CENPC: variants seen among roughly 807,000 people sequenced by gnomAD.
CENPC encodes the protein centromere protein C.
Under a neutral mutation model 112.1 loss-of-function variants are expected in CENPC, and 63 were observed. The ratio of observed to expected loss-of-function variants is 0.56; its 90% CI spans 0.46 to 0.69. The LOEUF (loss-of-function observed/expected upper bound fraction) is 0.69. CENPC is among the 30% of genes least tolerant of loss of function. The pLI, the probability that CENPC is intolerant of heterozygous loss-of-function variation, is 0.00. For missense variants in CENPC, 1,000 were observed against 1,103.8 expected, an observed-to-expected ratio of 0.91 and a Z score of 1.33; for synonymous variants, 333 against 367.6, an observed-to-expected ratio of 0.91 and a Z score of 1.08.
rs1448640707 is a variant in CENPC, at chr4:67,492,197, CTT to C, written c.2496_2497del (p.Glu834AspfsTer18). The C allele has an allele frequency of 3.2e-6, 5 of 1,562,354 alleles. No individual in the cohort carries two copies. Among genetic ancestry groups the C allele is most frequent in the East Asian group, 2.3e-5 (1 of 42,956 alleles). On this transcript the variant is annotated frameshift_variant, in exon 16 of 19. Coordinates refer to ENST00000273853, the MANE Select transcript of CENPC (RefSeq NM_001812.4). LOFTEE classifies it high-confidence loss of function. ...GATCTTACCCATGAGAATAATCTCT[CTT>C]GTTTCTGGGTCCTTTACCCTCGTTG...
chr4:67,508,797 C>T lies in CENPC; in HGVS notation c.1904+17G>A, dbSNP rs372409696. 10 of 1,606,746 alleles carry T rather than the reference C, an allele frequency of 6.2e-6. No homozygotes were observed. The African/African-American group carries it at 9.4e-5, about 15-fold the overall frequency. On this transcript the variant is annotated intron_variant, in intron 10 of 18. Transcript: ENST00000273853. ...GAACAACAAAAGTAACTATATTGTA[C>T]ACATAACAGACATTACCTAGAACAA...
chr4:67,475,217 C>G (rs901426245), intron 17 of CENPC, among the ~76,000 whole-genome samples: 1 of 152,214 alleles, frequency 6.6e-6, no homozygotes, highest in Non-Finnish European at 1.5e-5. Context: ...AGTACTTTCT[C>G]CTGCTGGAAG....
intron 12 of CENPC, among the ~76,000 whole-genome samples, chr4:67,502,841 G>A (rs964230118): frequency 2.0e-5 from 3 of 151,984 alleles, no homozygotes; most frequent in Non-Finnish European, 4.4e-5. Context: ...TATACACCAC[G>A]TATCGTCCAT....
chr4:67,486,463 T>C (rs1449733734), intron 17 of CENPC, among the ~76,000 whole-genome samples: 1 of 152,244 alleles, frequency 6.6e-6, no homozygotes, highest in Non-Finnish European at 1.5e-5. Context: ...TCTTCAAGGA[T>C]TTCTTTGAAT....
chr4:67,535,624 G>A (rs1389483743), intron 4 of CENPC, among the ~76,000 whole-genome samples: 1 of 152,008 alleles, frequency 6.6e-6, no homozygotes, highest in African/African-American at 2.4e-5. Flanking sequence ...TGTACATAAA[G>A]AAAATTTAAC....
At chr4:67,486,965 T>TG (rs1560421207) in intron 17 of CENPC, among the ~76,000 whole-genome samples, 97 of 93,130 alleles carry the variant, frequency 1.0e-3, no homozygotes, top group African/African-American at 3.4e-3. Flanking sequence ...TATTTGCTTT[T>TG]AGGTTTTTTT....
intron 2 of CENPC, among the ~76,000 whole-genome samples, chr4:67,541,529 A>G (rs1037927563): frequency 6.6e-6 from 1 of 152,220 alleles, no homozygotes; most frequent in African/African-American, 2.4e-5. Context: ...GTAGATTCAC[A>G]GCCAGCTATA....
In CENPC at chr4:67,472,640, C is replaced by G; in HGVS notation, c.2797G>C (p.Glu933Gln). The change falls in exon 19 of 19, where the codon GAA (glutamate) becomes CAA (glutamine). Residue 933 changes from glutamate (E) to glutamine (Q), a missense_variant. By Grantham distance (29) the Glu-to-Gln change is conservative (BLOSUM62 2). Coordinates refer to ENST00000273853, the MANE Select transcript of CENPC (RefSeq NM_001812.4). ...ATCTGAGTAAAAAGAAGAACACTTT[C>G]CTCATTCCGGAGATTTTTGATGTTA... The part of the protein sequence containing the change: ...YYNIKNLRNE[E>Q]SVLLFTQIKR 1 of 1,515,842 alleles carries G rather than the reference C, an allele frequency of 6.6e-7. No homozygotes were observed. The highest frequency in any genetic ancestry group is 8.8e-7 in the Non-Finnish European group (1 of 1,136,332). 93.9% of individuals were successfully genotyped at this position (1,515,842 alleles called of 1,614,324 possible). A position where few individuals can be genotyped will look rare whatever the true frequency, so the allele number is the denominator to read the frequency against.
intron 4 of CENPC, among the ~76,000 whole-genome samples, chr4:67,532,321 T>C (rs577137438): frequency 1.6e-3 from 243 of 152,218 alleles, no homozygotes; most frequent in African/African-American, 5.5e-3. Context: ...AGTTCAACCA[T>C]TGTGGAAGAC....
chr4:67,525,965 T>C (rs993274905), intron 5 of CENPC, among the ~76,000 whole-genome samples: 1 of 152,146 alleles, frequency 6.6e-6, no homozygotes, highest in Non-Finnish European at 1.5e-5. Flanking sequence ...ATGTGACAGA[T>C]ATACACCACA....
intron 17 of CENPC, among the ~76,000 whole-genome samples, chr4:67,477,737 T>G (rs1037788624): frequency 2.6e-5 from 4 of 152,158 alleles, no homozygotes; most frequent in African/African-American, 9.7e-5. Context: ...TTCAGAAGGT[T>G]GATTATTACA....
At chr4:67,527,800 C>T (rs1726428201) in intron 5 of CENPC, among the ~76,000 whole-genome samples, 1 of 151,780 alleles carries the variant, frequency 6.6e-6, no homozygotes, top group African/African-American at 2.4e-5. Flanking sequence ...AGTGCTTGGA[C>T]CCATCACTGT....
At chr4:67,521,715 C>T (rs989139032) in intron 5 of CENPC, among the ~76,000 whole-genome samples, 2 of 151,992 alleles carry the variant, frequency 1.3e-5, no homozygotes, top group African/African-American at 2.4e-5. Context: ...AGCCAAAAAG[C>T]GAAAACAACC....
intron 1 of CENPC, 68 bp downstream of exon 1, chr4:67,545,270 C>A: frequency 1.4e-6 from 2 of 1,427,050 alleles, no homozygotes; most frequent in South Asian, 1.4e-5. Context: ...TCCTTCTCCC[C>A]AGCCTCGGGC....
rs779593087 is a variant in CENPC at position 67,493,998 on chromosome 4, G to A, written c.2186-10C>T. ...GTGTTGGAGGGCAATACTATAAAAA[G>A]ATGTCAGACAAAAGTGTATACATAG... On this transcript the variant is annotated splice_polypyrimidine_tract_variant and intron_variant, in intron 13 of 18. Transcript: ENST00000273853. The A allele has an allele frequency of 6.3e-7, 1 of 1,579,802 alleles. No individual in the cohort carries two copies. Among genetic ancestry groups the A allele is most frequent in the South Asian group, 1.1e-5 (1 of 87,918 alleles).
chr4:67,478,202 C>T (rs1170208937), intron 17 of CENPC, among the ~76,000 whole-genome samples: 1 of 152,104 alleles, frequency 6.6e-6, no homozygotes, highest in Non-Finnish European at 1.5e-5. Flanking sequence ...CAAAGAGCAC[C>T]TGGAAAATTC....
intron 18 of CENPC, 180 bp downstream of exon 18, chr4:67,474,708 A>T (rs1367247469): frequency 1.8e-6 from 1 of 562,064 alleles, no homozygotes; most frequent in African/African-American, 2.0e-5. Context: ...AAAAACAAAA[A>T]AAAACCACCA....
intron 12 of CENPC, among the ~76,000 whole-genome samples, chr4:67,498,742 T>C (rs939614268): frequency 6.6e-6 from 1 of 152,238 alleles, no homozygotes; most frequent in Non-Finnish European, 1.5e-5. Context: ...CATTGAAGTC[T>C]TGAACCCTTC....
At chr4:67,525,867 C>T (rs905491210) in intron 5 of CENPC, among the ~76,000 whole-genome samples, 8 of 152,188 alleles carry the variant, frequency 5.3e-5, no homozygotes, top group African/African-American at 1.9e-4. Flanking sequence ...AAGACACATG[C>T]ACATCTGTGT....
Sources: gnomAD v4.1 joint callset for allele counts (sites outside exome capture counted in the v4.1 genomes callset) on GRCh38, gnomAD v4.1.1 for gene constraint, MANE v1.5 for transcripts, NCBI Gene and HGNC (gene_info 2026-07-23, HGNC 2026-07-21) for gene names.